Variants in CCDC172 observed in about 807,000 individuals in gnomAD.
The protein encoded by CCDC172 is coiled-coil domain containing 172.
Under a neutral mutation model 38.0 loss-of-function variants are expected in CCDC172, and 30 were observed. The ratio of observed to expected loss-of-function variants is 0.79; its 90% CI spans 0.59 to 1.07. CCDC172 has a LOEUF of 1.07. CCDC172 is among the 50% of genes least tolerant of loss of function. The pLI is 0.00. For synonymous variants in CCDC172, 78 were observed against 88.3 expected, an observed-to-expected ratio of 0.88 and a Z score of 0.66; for missense variants, 297 against 290.1, an observed-to-expected ratio of 1.02 and a Z score of -0.17.
intron 7 of CCDC172, among the ~76,000 whole-genome samples, chr10:116,377,946 TCAGG>T (rs1845267992): frequency 6.6e-6 from 1 of 152,128 alleles, no homozygotes; most frequent in Non-Finnish European, 1.5e-5. Flanking sequence ...TTTGGGAGGT[TCAGG>T]CAGGTGAATC....
At chr10:116,359,503 G>A (rs758045251) in intron 7 of CCDC172, among the ~76,000 whole-genome samples, 5 of 151,936 alleles carry the variant, frequency 3.3e-5, no homozygotes, top group Non-Finnish European at 5.9e-5. Flanking sequence ...CTTTGTTGTC[G>A]GGGGCTGTTC....
chr10:116,357,658 AT>A (rs1415862412), intron 6 of CCDC172, among the ~76,000 whole-genome samples, 177 bp downstream of exon 6: 2 of 152,030 alleles, frequency 1.3e-5, no homozygotes, highest in African/African-American at 2.4e-5. Context: ...AATGTCACAA[AT>A]TTTTTGAAGA....
chr10:116,367,238 C>G (rs1845134300), intron 7 of CCDC172, among the ~76,000 whole-genome samples: 1 of 151,956 alleles, frequency 6.6e-6, no homozygotes, highest in South Asian at 2.1e-4. Context: ...TTCAAAATAG[C>G]CACAAGAGAG....
intron 5 of CCDC172, among the ~76,000 whole-genome samples, chr10:116,343,604 G>GT (rs1220088291): frequency 1.3e-5 from 2 of 150,226 alleles, no homozygotes; most frequent in African/African-American, 2.5e-5. Context: ...TAAAAGTTGC[G>GT]TATCATTCCT....
At chr10:116,361,149 T>G (rs1270119898) in intron 7 of CCDC172, among the ~76,000 whole-genome samples, 1 of 151,570 alleles carries the variant, frequency 6.6e-6, no homozygotes, top group Non-Finnish European at 1.5e-5. Context: ...CACGCCTGAC[T>G]AATTTTTGTA....
At chr10:116,324,881 G>A in intron 1 of CCDC172, 66 bp from the exon 2 acceptor site, 1 of 731,136 alleles carries the variant, frequency 1.4e-6, no homozygotes, top group South Asian at 1.7e-5. Context: ...TGGCGACAGA[G>A]GGTTGGAGAC....
intron 5 of CCDC172, among the ~76,000 whole-genome samples, chr10:116,350,366 G>A (rs1844916229): frequency 6.6e-6 from 1 of 152,126 alleles, no homozygotes; most frequent in Non-Finnish European, 1.5e-5. Context: ...TGGTATTCAG[G>A]TTCTAAATAT....
chr10:116,335,667 A>T (rs1844721421), intron 3 of CCDC172, among the ~76,000 whole-genome samples: 1 of 152,062 alleles, frequency 6.6e-6, no homozygotes, highest in South Asian at 2.1e-4. Context: ...GTTCCTCAGT[A>T]GAAGTTTTTC....
chr10:116,344,558 G>A (rs757080834), intron 5 of CCDC172, among the ~76,000 whole-genome samples: 3 of 152,138 alleles, frequency 2.0e-5, no homozygotes, highest in East Asian at 1.9e-4. Context: ...TGCTCTGGGC[G>A]AGTCAGTGAG....
At position 116,378,924 on chromosome 10, in the gene CCDC172, C is replaced by T. The variant is rs1389545515; in HGVS notation, c.742-399C>T. Among the ~76,000 whole-genome samples the T allele has an allele frequency of 4.6e-5, 7 of 152,076 alleles. No individual in the cohort carries two copies. The South Asian group carries it at 6.2e-4, about 14-fold the overall frequency. ...ATTTGATCCTAAAACTTTCTTATTG[C>T]GTATTTGTATAATCTCAAAAACCTT... On this transcript the variant is annotated intron_variant, in intron 8 of 8. Coordinates refer to ENST00000333254, the MANE Select transcript of CCDC172 (RefSeq NM_198515.3).
intron 5 of CCDC172, among the ~76,000 whole-genome samples, chr10:116,349,287 A>G (rs1244336383): frequency 1.3e-5 from 2 of 152,168 alleles, no homozygotes; most frequent in African/African-American, 2.4e-5. Flanking sequence ...GTGCACAATA[A>G]ATGTAATGCA....
At chr10:116,335,130 A>C (rs11812776) in intron 3 of CCDC172, among the ~76,000 whole-genome samples, 1 of 152,078 alleles carries the variant, frequency 6.6e-6, no homozygotes, top group Non-Finnish European at 1.5e-5. Flanking sequence ...TTCCGAATCC[A>C]TTCTAGGCTT....
intron 7 of CCDC172, among the ~76,000 whole-genome samples, chr10:116,372,113 T>G (rs180914136): frequency 3.0e-4 from 45 of 152,270 alleles, no homozygotes; most frequent in Middle Eastern, 6.8e-3. Context: ...TTTCCCTATT[T>G]ACATGTAATT....
intron 5 of CCDC172, among the ~76,000 whole-genome samples, chr10:116,343,762 G>A (rs551881134): frequency 1.2e-4 from 18 of 152,148 alleles, no homozygotes; most frequent in African/African-American, 4.3e-4. Flanking sequence ...TTTGAGATAA[G>A]CCCTTTTATA....
At chr10:116,351,177 CT>C (rs1844926634) in intron 5 of CCDC172, among the ~76,000 whole-genome samples, 1 of 152,054 alleles carries the variant, frequency 6.6e-6, no homozygotes, top group East Asian at 1.9e-4. Context: ...GATAGAATGT[CT>C]GATAAATCAA....
rs1424382834 is a variant in CCDC172, at chr10:116,378,446, A to G, written c.677A>G (p.Tyr226Cys). The change falls in exon 8 of 9, where the codon TAT becomes TGT. Residue 226 changes from tyrosine (Y) to cysteine (C), a missense_variant. Transcript: ENST00000333254. ...CLRLKKELEL[Y>C]KEDDMESVYE... is the part of the protein sequence containing the mutation. Reference sequence around the variant, plus strand: ...AGACTTAAAAAAGAATTAGAACTTTATAAGGAAGATGACATGGAAAGTGTT... The same window carrying G: ...AGACTTAAAAAAGAATTAGAACTTTGTAAGGAAGATGACATGGAAAGTGTT... The G allele has an allele frequency of 1.9e-6, 3 of 1,599,956 alleles. No individual in the cohort carries two copies. The highest frequency in any genetic ancestry group is 2.6e-6 in the Non-Finnish European group (3 of 1,175,094).
chr10:116,337,946 A>C (rs1844750718), intron 3 of CCDC172, among the ~76,000 whole-genome samples: 1 of 152,230 alleles, frequency 6.6e-6, no homozygotes, highest in South Asian at 2.1e-4. Flanking sequence ...TTGGGACAAC[A>C]GTAAGAACAA....
At chr10:116,337,212 G>A (rs1022315612) in intron 3 of CCDC172, among the ~76,000 whole-genome samples, 1 of 150,638 alleles carries the variant, frequency 6.6e-6, no homozygotes, top group Non-Finnish European at 1.5e-5. Context: ...GGAGTGCAGT[G>A]GCACAATCTT....
chr10:116,325,093 C>G lies in CCDC172; in HGVS notation c.79+3C>G, dbSNP rs1844574231. The G allele has an allele frequency of 6.2e-7, 1 of 1,613,638 alleles. No homozygotes were observed. On this transcript the variant is annotated splice_donor_region_variant and intron_variant, in intron 2 of 8. Transcript: ENST00000333254. ...GAGTCGCCGTTTGATGCGAGAAGGT[C>G]GGGGTATTTCTGTCCTTTGCATGGG...
Sources: allele counts gnomAD v4.1 joint callset (sites outside exome capture counted in the v4.1 genomes callset), GRCh38; gene constraint gnomAD v4.1.1; transcripts MANE v1.5; gene names NCBI Gene and HGNC (gene_info 2026-07-23, HGNC 2026-07-21).